The following PTPN13 variants were observed in gnomAD, a reference collection of about 807,000 sequenced individuals.
PTPN13 encodes the protein protein tyrosine phosphatase non-receptor type 13.
In PTPN13, 191 loss-of-function variants were observed where a neutral mutation model predicts 284.0. The ratio of observed to expected loss-of-function variants is 0.67; its 90% confidence interval spans 0.60 to 0.76. PTPN13 has a LOEUF of 0.76. PTPN13 is among the 30% of genes least tolerant of loss of function. PTPN13 has a pLI of 0.00. For synonymous variants in PTPN13, 986 were observed against 1,022.3 expected (o/e 0.96, Z 0.68); for missense variants, 2,797 against 2,939.9 (o/e 0.95, Z 1.12).
chr4:86,770,026 A>T (rs1739799878), intron 29 of PTPN13, 43 bp downstream of exon 29: 1 of 1,611,338 alleles, frequency 6.2e-7, no homozygotes, highest in African/African-American at 1.3e-5. Flanking sequence ...TAATGATGAG[A>T]TGGATTGGCC....
At chr4:86,599,005 C>T (rs976705192) in intron 1 of PTPN13, among the ~76,000 whole-genome samples, 2 of 152,160 alleles carry the variant, frequency 1.3e-5, no homozygotes, top group South Asian at 2.1e-4. Flanking sequence ...AAGCAGTTGT[C>T]CCTCCTTGGC....
intron 6 of PTPN13, among the ~76,000 whole-genome samples, chr4:86,698,715 T>A (rs1730823963): frequency 6.6e-6 from 1 of 152,112 alleles, no homozygotes; most frequent in Non-Finnish European, 1.5e-5. Flanking sequence ...AAAATGTCCA[T>A]CTGATTTGGC....
chr4:86,734,944 A>G, intron 14 of PTPN13, 69 bp downstream of exon 14: 2 of 1,507,606 alleles, frequency 1.3e-6, no homozygotes, highest in Non-Finnish European at 1.8e-6. Flanking sequence ...GTTAATGACT[A>G]AACCTGATTC....
intron 1 of PTPN13, among the ~76,000 whole-genome samples, 184 bp downstream of exon 1, chr4:86,594,973 T>C (rs1451037785): frequency 1.3e-5 from 2 of 151,622 alleles, no homozygotes; most frequent in African/African-American, 4.9e-5. Flanking sequence ...TACGTTAGAG[T>C]GGGGGTGGGG....
intron 36 of PTPN13, 63 bp downstream of exon 36, chr4:86,780,535 AT>A: frequency 8.9e-7 from 1 of 1,121,982 alleles, no homozygotes; most frequent in Non-Finnish European, 1.3e-6. Context: ...TGGCACATCC[AT>A]TTTGGAAAAC....
Position 86,731,129 on chromosome 4 carries a change from A to G in PTPN13, c.1609-1271A>G, listed in dbSNP as rs190289777. ...TGAGCTGTACAACCAAATGCAAAGA[A>G]GAAACCAACAAAAATAAAACTCTGG... On this transcript the variant is annotated intron_variant, in intron 10 of 47. Coordinates refer to ENST00000411767, the MANE Select transcript of PTPN13 (RefSeq NM_080683.3). Among the ~76,000 whole-genome samples, 53 of 152,358 alleles carry G rather than the reference A, an allele frequency of 3.5e-4. 1 individual carries two copies. The highest frequency in any genetic ancestry group is 1.2e-3 in the African/African-American group (51 of 41,588).
intron 1 of PTPN13, among the ~76,000 whole-genome samples, chr4:86,614,812 T>G (rs1023351748): frequency 6.6e-6 from 1 of 152,110 alleles, no homozygotes; most frequent in Non-Finnish European, 1.5e-5. Flanking sequence ...AGATTTAGGT[T>G]TAAGAAAGCT....
rs1241682151 is a variant in PTPN13, at chr4:86,642,449, CT to C, written c.115+7099del. Among the ~76,000 whole-genome samples, 149 of 27,454 alleles carry C rather than the reference CT, an allele frequency of 5.4e-3. 1 individual carries two copies. The highest frequency in any genetic ancestry group is 0.026 in the South Asian group (7 of 272). The allele number at this position is 27,454 out of a possible 152,430, so 18.0% of individuals were successfully genotyped here. On this transcript the variant is annotated intron_variant, in intron 2 of 47. Transcript: ENST00000411767. ...TTCTTTTCTTCTTCTTCTTCTTCTTCTTTTTTTTTTTTTTTTTTTTTGAGAT... is the reference window on the plus strand; with the variant it reads ...TTCTTTTCTTCTTCTTCTTCTTCTTCTTTTTTTTTTTTTTTTTTTTGAGAT...
At chr4:86,653,604 A>G (rs1172876289) in intron 2 of PTPN13, among the ~76,000 whole-genome samples, 1 of 152,162 alleles carries the variant, frequency 6.6e-6, no homozygotes, top group Non-Finnish European at 1.5e-5. Context: ...TGATTCAAAA[A>G]GCAGAAATTT....
chr4:86,765,543 T>G (rs1258204376), intron 26 of PTPN13, 55 bp downstream of exon 26: 2 of 1,231,468 alleles, frequency 1.6e-6, no homozygotes, highest in Non-Finnish European at 1.1e-6. Context: ...AACAAATAGA[T>G]AAGAAATTAT....
intron 42 of PTPN13, among the ~76,000 whole-genome samples, chr4:86,801,437 G>C (rs1212535761): frequency 1.3e-5 from 2 of 152,060 alleles, no homozygotes; most frequent in Non-Finnish European, 2.9e-5. Flanking sequence ...AGGTTTTTTT[G>C]GGGGGTGAGG....
In PTPN13 at chr4:86,785,952, A is replaced by G. The variant is rs369367432; in HGVS notation, c.6345+16A>G. 268 of 1,429,150 alleles carry G rather than the reference A, an allele frequency of 1.9e-4. 1 individual carries two copies. Among genetic ancestry groups the G allele is most frequent in the Non-Finnish European group, 3.0e-5 (31 of 1,043,516 alleles). The allele number at this position is 1,429,150 out of a possible 1,614,324, so 88.5% of individuals were successfully genotyped here. A position where few individuals can be genotyped will look rare whatever the true frequency, so the allele number is the denominator to read the frequency against. ...TTTTACTGAGGTAACAATAATACCT[A>G]AACAACCTAGGATATGACAGCTTGT... On this transcript the variant is annotated intron_variant, in intron 40 of 47. Transcript: ENST00000411767.
intron 20 of PTPN13, among the ~76,000 whole-genome samples, chr4:86,756,146 A>T (rs1737938036): frequency 6.6e-6 from 1 of 151,976 alleles, no homozygotes; most frequent in Non-Finnish European, 1.5e-5. Context: ...AATTTAAAGC[A>T]ATGATCATCA....
In PTPN13 at chr4:86,727,623, G is replaced by A. The variant is rs1416745983; in HGVS notation, c.1609-4777G>A. Reference sequence around the variant, plus strand: ...CATAGAGGTGTTTATAGTATTCTCTGATGGTAGTTTGTATTTCTGTGGGAT... The same window carrying A: ...CATAGAGGTGTTTATAGTATTCTCTAATGGTAGTTTGTATTTCTGTGGGAT... On this transcript the variant is annotated intron_variant, in intron 10 of 47. Coordinates refer to ENST00000411767, the MANE Select transcript of PTPN13 (RefSeq NM_080683.3). Among the ~76,000 whole-genome samples the A allele has an allele frequency of 2.0e-5, 3 of 149,456 alleles. 1 individual carries two copies. The highest frequency in any genetic ancestry group is 7.3e-5 in the African/African-American group (3 of 40,968).
chr4:86,639,195 G>A (rs1313820337), intron 2 of PTPN13, among the ~76,000 whole-genome samples: 2 of 151,754 alleles, frequency 1.3e-5, no homozygotes, highest in Non-Finnish European at 2.9e-5. Flanking sequence ...TGGAGAGGAT[G>A]TGGAGAAACA....
Position 86,773,012 on chromosome 4 carries a change from G to A in PTPN13, c.5349+54G>A, listed in dbSNP as rs1252699709. 4 of 1,324,658 alleles carry A rather than the reference G, an allele frequency of 3.0e-6. No homozygotes were observed. In the South Asian group the frequency reaches 5.1e-5, roughly 17 times the overall value. 82.1% of individuals were successfully genotyped at this position (1,324,658 alleles called of 1,614,324 possible). A position where few individuals can be genotyped will look rare whatever the true frequency, so the allele number is the denominator to read the frequency against. On this transcript the variant is annotated intron_variant, in intron 32 of 47. Transcript: ENST00000411767. Reference sequence around the variant, plus strand: ...AAATCCATATTTTTTAAAAGAAGGTGTGTTCATAAAGTTTCCCTTTAGGGA... The same window carrying A: ...AAATCCATATTTTTTAAAAGAAGGTATGTTCATAAAGTTTCCCTTTAGGGA...
chr4:86,734,668 C>T, intron 13 of PTPN13, 69 bp from the exon 14 acceptor site: 1 of 1,517,744 alleles, frequency 6.6e-7, no homozygotes, highest in Non-Finnish European at 8.9e-7. Context: ...ACCTTACATG[C>T]CTATAATAAA....
intron 18 of PTPN13, 32 bp from the exon 19 acceptor site, chr4:86,750,995 A>G (rs2149207475): frequency 6.4e-7 from 1 of 1,568,624 alleles, no homozygotes; most frequent in Non-Finnish European, 8.7e-7. Flanking sequence ...TTACATTAAC[A>G]CTTCCCTCCT....
intron 15 of PTPN13, among the ~76,000 whole-genome samples, chr4:86,741,051 T>C (rs1736119238): frequency 6.6e-6 from 1 of 152,250 alleles, no homozygotes; most frequent in Non-Finnish European, 1.5e-5. Flanking sequence ...TCAGCATTTT[T>C]GTCAAAGCCA....
Sources: allele counts gnomAD v4.1 joint callset (sites outside exome capture counted in the v4.1 genomes callset), GRCh38; gene constraint gnomAD v4.1.1; transcripts MANE v1.5; gene names NCBI Gene and HGNC (gene_info 2026-07-23, HGNC 2026-07-21).